EXOC4: variants seen among roughly 807,000 people sequenced by gnomAD.
The protein encoded by EXOC4 is exocyst complex component 4, also known as SEC8-like 1.
EXOC4 carries 71 observed loss-of-function variants against 107.2 expected under a neutral mutation model. That is an observed-to-expected ratio of 0.66 (90% CI 0.55 to 0.81). The LOEUF (loss-of-function observed/expected upper bound fraction) is 0.81. EXOC4 is among the 30% of genes least tolerant of loss of function. The pLI, the probability that EXOC4 is intolerant of heterozygous loss-of-function variation, is 0.00. For missense variants in EXOC4, 1,108 were observed against 1,189.6 expected (o/e 0.93, Z 1.01); for synonymous variants, 456 against 441.2 (o/e 1.03, Z -0.42).
chr7:133,976,759 T>C (rs1407397825), intron 14 of EXOC4, among the ~76,000 whole-genome samples: 2 of 152,176 alleles, frequency 1.3e-5, no homozygotes, highest in African/African-American at 2.4e-5. Flanking sequence ...ATACCTTTGT[T>C]TGGTTTACAA....
intron 10 of EXOC4, among the ~76,000 whole-genome samples, chr7:133,751,822 T>G (rs1585121647): frequency 1.3e-5 from 2 of 152,106 alleles, no homozygotes; most frequent in South Asian, 4.2e-4. Context: ...CTCTATTATA[T>G]TCTCTGAATT....
chr7:133,746,275 C>T (rs1795675919), intron 10 of EXOC4, among the ~76,000 whole-genome samples: 1 of 152,146 alleles, frequency 6.6e-6, no homozygotes, highest in Non-Finnish European at 1.5e-5. Context: ...AACTAAAGCT[C>T]TTCCTTTTTG....
At chr7:133,986,045 G>A (rs2116933645) in intron 14 of EXOC4, among the ~76,000 whole-genome samples, 1 of 152,330 alleles carries the variant, frequency 6.6e-6, no homozygotes, top group East Asian at 1.9e-4. Flanking sequence ...TGGATGTTGT[G>A]CTTCAGAGCG....
intron 14 of EXOC4, among the ~76,000 whole-genome samples, chr7:133,985,655 C>G (rs1794096906): frequency 6.6e-6 from 1 of 152,188 alleles, no homozygotes; most frequent in Admixed American, 6.5e-5. Context: ...CACAAACCAC[C>G]CATTCTCTGT....
At chr7:133,253,297 G>T in intron 1 of EXOC4, 110 bp downstream of exon 1, 3 of 1,436,168 alleles carry the variant, frequency 2.1e-6, no homozygotes, top group South Asian at 1.5e-5. Flanking sequence ...TTTCCTCCTT[G>T]CCTCCCGCAG....
intron 1 of EXOC4, among the ~76,000 whole-genome samples, chr7:133,259,489 A>C (rs982405496): frequency 6.6e-6 from 1 of 152,096 alleles, no homozygotes; most frequent in African/African-American, 2.4e-5. Flanking sequence ...GGCCTCCCAA[A>C]GTGTTGGGAT....
intron 12 of EXOC4, among the ~76,000 whole-genome samples, chr7:133,904,181 A>G (rs1393620674): frequency 6.6e-6 from 1 of 152,228 alleles, no homozygotes; most frequent in African/African-American, 2.4e-5. Flanking sequence ...TAAGTCGAAG[A>G]AATAAGTACA....
At chr7:133,394,421 A>G (rs562790635) in intron 7 of EXOC4, among the ~76,000 whole-genome samples, 3 of 152,176 alleles carry the variant, frequency 2.0e-5, no homozygotes, top group Admixed American at 1.3e-4. Context: ...ACCTTCTTTA[A>G]GTGTTAAGTC....
chr7:133,850,343 C>T (rs1169235483), intron 11 of EXOC4, among the ~76,000 whole-genome samples: 1 of 152,250 alleles, frequency 6.6e-6, no homozygotes, highest in East Asian at 1.9e-4. Flanking sequence ...TGGGATCCAG[C>T]TCTGTGGGAT....
chr7:133,687,287 A>G (rs531791295), intron 10 of EXOC4, among the ~76,000 whole-genome samples: 21 of 152,154 alleles, frequency 1.4e-4, no homozygotes, highest in Admixed American at 3.3e-4. Context: ...TTAAAAGACT[A>G]CAAATTGGGT....
At chr7:133,946,167 C>T (rs903084663) in intron 14 of EXOC4, among the ~76,000 whole-genome samples, 2 of 152,178 alleles carry the variant, frequency 1.3e-5, no homozygotes, top group Non-Finnish European at 2.9e-5. Context: ...TGCCCTTCAT[C>T]GTTTTTCATT....
rs1374246894 is a variant in EXOC4 at position 133,572,738 on chromosome 7, TCCTTAAA to T, written c.1418-57306_1418-57300del. Reference sequence around the variant, plus strand: ...TGGCATTCCAGGGAAGCTTTTGGGGTCCTTAAATGTCATTCCACTGAAACAGCATGAT... The same window carrying T: ...TGGCATTCCAGGGAAGCTTTTGGGGTTGTCATTCCACTGAAACAGCATGAT... On this transcript the variant is annotated intron_variant, in intron 9 of 17. Transcript: ENST00000253861. Among the ~76,000 whole-genome samples, 28 of 152,290 alleles carry T rather than the reference TCCTTAAA, an allele frequency of 1.8e-4. No homozygotes were observed. The East Asian group carries it at 3.1e-3, about 17-fold the overall frequency.
intron 9 of EXOC4, among the ~76,000 whole-genome samples, chr7:133,494,528 T>G (rs933952816): frequency 6.6e-6 from 1 of 152,224 alleles, no homozygotes; most frequent in African/African-American, 2.4e-5. Flanking sequence ...ATAGGAATGT[T>G]ATTGAGGACC....
intron 11 of EXOC4, among the ~76,000 whole-genome samples, chr7:133,834,518 A>G (rs1325482735): frequency 6.6e-6 from 1 of 152,246 alleles, no homozygotes; most frequent in East Asian, 1.9e-4. Flanking sequence ...TCTCATGGCA[A>G]CTGGCCAAGG....
chr7:133,363,623 A>C (rs1007132701), intron 6 of EXOC4, among the ~76,000 whole-genome samples: 9 of 151,930 alleles, frequency 5.9e-5, no homozygotes, highest in African/African-American at 1.2e-4. Flanking sequence ...AAAAAAAAAA[A>C]AAAAAACCTA....
intron 4 of EXOC4, among the ~76,000 whole-genome samples, chr7:133,313,716 T>C (rs1319789502): frequency 6.6e-6 from 1 of 152,192 alleles, no homozygotes; most frequent in Non-Finnish European, 1.5e-5. Context: ...AAATCTAACA[T>C]TTAGAAGCAG....
At chr7:133,992,663 T>C (rs1282623904) in intron 14 of EXOC4, among the ~76,000 whole-genome samples, 1 of 151,216 alleles carries the variant, frequency 6.6e-6, no homozygotes, top group African/African-American at 2.4e-5. Flanking sequence ...GTGGAGTCTT[T>C]AGGATTTTCT....
chr7:133,439,000 G>A (rs1456438478), intron 7 of EXOC4, among the ~76,000 whole-genome samples: 2 of 152,044 alleles, frequency 1.3e-5, no homozygotes, highest in Non-Finnish European at 2.9e-5. Context: ...TTTTACTTCT[G>A]CCTCTGTACA....
At chr7:133,936,393 TG>T (rs1321894306) in intron 13 of EXOC4, among the ~76,000 whole-genome samples, 21 of 152,252 alleles carry the variant, frequency 1.4e-4, no homozygotes, top group Admixed American at 1.4e-3. Flanking sequence ...AACACCTATG[TG>T]TCAATTAAGC....
Sources: allele counts gnomAD v4.1 joint callset (sites outside exome capture counted in the v4.1 genomes callset), GRCh38; gene constraint gnomAD v4.1.1; transcripts MANE v1.5; gene names NCBI Gene and HGNC (gene_info 2026-07-23, HGNC 2026-07-21).